MIA3: variants seen among roughly 807,000 people sequenced by gnomAD.
MIA3 encodes MIA SH3 domain ER export factor 3, also known as transport and Golgi organization protein 1 homolog.
In MIA3, 90 loss-of-function variants were observed where a neutral mutation model predicts 192.4. That is an observed-to-expected ratio of 0.47 (90% CI 0.39 to 0.56). The LOEUF (loss-of-function observed/expected upper bound fraction) is 0.56, where lower values mean the gene tolerates loss of function less well. MIA3 is among the 20% of genes least tolerant of loss of function. MIA3 has a pLI of 0.00. For missense variants in MIA3, 2,123 were observed against 2,269.4 expected (o/e 0.94, Z 1.31); for synonymous variants, 740 against 792.8 (o/e 0.93, Z 1.12).
chr1:222,641,428 T>A lies in MIA3; in HGVS notation c.3478-4126T>A, dbSNP rs572379442. On this transcript the variant is annotated intron_variant, in intron 6 of 27. Coordinates refer to ENST00000344922, the MANE Select transcript of MIA3 (RefSeq NM_198551.4). ...CAACAGATTCTTCAGGTCTTAGCAG[T>A]AGCCTGAGCTGCCCCCAGGGCTCTG... 3 of 486,318 alleles carry A rather than the reference T, an allele frequency of 6.2e-6. No individual in the cohort carries two copies. The Admixed American group carries it at 6.7e-5, about 11-fold the overall frequency. 30.1% of individuals were successfully genotyped at this position (486,318 alleles called of 1,614,324 possible).
intron 7 of MIA3, among the ~76,000 whole-genome samples, chr1:222,648,189 T>C (rs1482237631): frequency 6.6e-6 from 1 of 152,234 alleles, no homozygotes. Context: ...TTGTTGCTTA[T>C]GCATTTTCCT....
chr1:222,663,122 G>A (rs1350824942), intron 26 of MIA3: 1 of 152,158 alleles, frequency 6.6e-6, no homozygotes, highest in Non-Finnish European at 1.5e-5. Context: ...CTTTCCCATA[G>A]GAAGTGATTA....
At chr1:222,645,273 T>G (rs558229891) in intron 6 of MIA3, among the ~76,000 whole-genome samples, 2 of 152,326 alleles carry the variant, frequency 1.3e-5, no homozygotes, top group East Asian at 3.9e-4. Flanking sequence ...CAGCCATGTT[T>G]TAGATAACAT....
Position 222,627,901 on chromosome 1 carries a change from T to C in MIA3, c.681T>C (p.Phe227=), listed in dbSNP as rs781372220. 1 of 1,614,076 alleles carries C rather than the reference T, an allele frequency of 6.2e-7. No individual in the cohort carries two copies. Among genetic ancestry groups the C allele is most frequent in the Non-Finnish European group, 8.5e-7 (1 of 1,180,014 alleles). ...ATGCTCAGGGAGAGCAGGCTTCATT[T>C]GAATCTTTTGAAGAAATGCTGCAAG... ...ANHAQGEQAS[F]ESFEEMLQDK... Residue 227 remains phenylalanine, a synonymous_variant, in exon 4 of 28, where the codon TTT becomes TTC. Coordinates refer to ENST00000344922, the MANE Select transcript of MIA3 (RefSeq NM_198551.4).
chr1:222,655,543 T>A (rs898313343), intron 18 of MIA3, among the ~76,000 whole-genome samples: 1 of 152,218 alleles, frequency 6.6e-6, no homozygotes, highest in Non-Finnish European at 1.5e-5. Context: ...TTAACTTTTT[T>A]AAATGCTTAG....
In MIA3 at chr1:222,664,885, AAAGATGGCAGGCC is replaced by A. The variant is rs1273696349; in HGVS notation, c.5414-422_5414-410del. The stretch of plus-strand genomic sequence containing the variant: ...ACAAATCTATCTCTCTTTTTCAGAT[AAAGATGGCAGGCC>A]AGGCACAGTGGCTCACGCCTGTAAT... On this transcript the variant is annotated intron_variant, in intron 27 of 27. Coordinates refer to ENST00000344922, the MANE Select transcript of MIA3 (RefSeq NM_198551.4). 1.9e-5 allele frequency: 9 copies of A among 464,468 alleles called. No homozygotes were observed. In the Admixed American group the frequency reaches 2.2e-4, roughly 11 times the overall value. 28.8% of individuals were successfully genotyped at this position (464,468 alleles called of 1,614,324 possible).
Position 222,629,580 on chromosome 1 carries a change from AT to A in MIA3, c.2361del (p.Asp787GlufsTer48). The A allele has an allele frequency of 6.2e-7, 1 of 1,614,034 alleles. No individual in the cohort carries two copies. The stretch of plus-strand genomic sequence containing the variant: ...AAGCAAGAAACTAGTATGATTTTGG[AT>A]AGCGAAAAAACAAGTGAGACTGCTG... ...ESKQETSMILDSEKTSETAAK... is the reference protein window; with the variant it reads ...ESKQETSMILXSEKTSETAAK... On this transcript the variant is annotated frameshift_variant, in exon 4 of 28. Transcript: ENST00000344922. LOFTEE classifies it high-confidence loss of function.
chr1:222,623,625 A>C (rs927840359), intron 2 of MIA3, among the ~76,000 whole-genome samples: 1 of 152,176 alleles, frequency 6.6e-6, no homozygotes, highest in African/African-American at 2.4e-5. Flanking sequence ...TTTTACTACT[A>C]ATACTGGCTT....
Position 222,659,487 on chromosome 1 carries a change from A to G in MIA3, c.4744A>G (p.Lys1582Glu). The change falls in exon 20 of 28, where the codon AAG becomes GAG. Residue 1582 changes from lysine (K) to glutamate (E), a missense_variant. Around this residue, in one of 3 missense-constraint regions of MIA3, gnomAD observed 762 missense variants for 856.4 expected, o/e 0.89. Coordinates refer to ENST00000344922, the MANE Select transcript of MIA3 (RefSeq NM_198551.4). ...RIEEMEDELQ[K>E]TERSFKNQIA... ...TGAAGAAATGGAGGATGAATTACAG[A>G]AGACAGAGCGGTCATTTAAAAACCA... 2 of 1,614,008 alleles carry G rather than the reference A, an allele frequency of 1.2e-6. No homozygotes were observed. The highest frequency in any genetic ancestry group is 1.7e-6 in the Non-Finnish European group (2 of 1,179,904).
chr1:222,658,665 G>A (rs1256813919), intron 18 of MIA3, 57 bp from the exon 19 acceptor site: 1 of 1,250,554 alleles, frequency 8.0e-7, no homozygotes, highest in African/African-American at 1.5e-5. Flanking sequence ...GGAGTATTCA[G>A]ACAGAATGCC....
intron 7 of MIA3, among the ~76,000 whole-genome samples, chr1:222,647,560 CTT>C (rs1651192420): frequency 6.6e-6 from 1 of 152,078 alleles, no homozygotes; most frequent in Non-Finnish European, 1.5e-5. Flanking sequence ...TGGTGCTTTT[CTT>C]CAGATAAAAA....
intron 6 of MIA3, among the ~76,000 whole-genome samples, chr1:222,640,874 A>G (rs1662822443): frequency 6.6e-6 from 1 of 152,244 alleles, no homozygotes. Flanking sequence ...GAATACATAA[A>G]GAACTCTCAA....
At chr1:222,648,536 A>AGT (rs1299087912) in intron 7 of MIA3, among the ~76,000 whole-genome samples, 1 of 152,242 alleles carries the variant, frequency 6.6e-6, no homozygotes, top group South Asian at 2.1e-4. Context: ...ATTCAAGTTA[A>AGT]GTGCTCATTT....
In MIA3 at chr1:222,659,770, G is replaced by A; in HGVS notation, c.4843G>A (p.Glu1615Lys). ...TGCTGCAGAAAGAGCTATAGCTGAA[G>A]AGAAAAGGGAAGCTGCCAATTTGAG... ...ARAAERAIAE[E>K]KREAANLRHK... The change falls in exon 22 of 28, where the codon GAG becomes AAG. Residue 1615 changes from glutamate (E) to lysine (K), a missense_variant. This residue lies in a region of MIA3 where 762 missense variants were observed against 856.4 expected (regional missense o/e 0.89). Coordinates refer to ENST00000344922, the MANE Select transcript of MIA3 (RefSeq NM_198551.4). 6.2e-7 allele frequency: 1 copy of A among 1,614,118 alleles called. No individual in the cohort carries two copies. The highest frequency in any genetic ancestry group is 1.1e-5 in the South Asian group (1 of 91,074).
intron 6 of MIA3, 91 bp downstream of exon 6, chr1:222,633,340 C>A: frequency 9.5e-7 from 1 of 1,054,844 alleles, no homozygotes; most frequent in Non-Finnish European, 1.4e-6. Context: ...CTTAAAATGT[C>A]TTTATGAACC....
rs551236822 is a variant in MIA3, at chr1:222,620,447, C to A, written c.134-712C>A. Among the ~76,000 whole-genome samples the A allele has an allele frequency of 7.9e-4, 120 of 152,258 alleles. 1 individual carries two copies. Among genetic ancestry groups the A allele is most frequent in the Non-Finnish European group, 1.3e-3 (91 of 68,014 alleles). Reference sequence around the variant, plus strand: ...AAAATATACATAAGGGTATTCTTTCCTTTGTTTTGAAACTTAATTTTGGAT... The same window carrying A: ...AAAATATACATAAGGGTATTCTTTCATTTGTTTTGAAACTTAATTTTGGAT... On this transcript the variant is annotated intron_variant, in intron 1 of 27. Transcript: ENST00000344922.
rs961560332 is a variant in MIA3, at chr1:222,660,452, T to A, written c.5113+138T>A. The A allele has an allele frequency of 1.0e-5, 7 of 675,870 alleles. No individual in the cohort carries two copies. In the Admixed American group the frequency reaches 1.5e-4, roughly 14 times the overall value. 41.9% of individuals were successfully genotyped at this position (675,870 alleles called of 1,614,324 possible). On this transcript the variant is annotated intron_variant, in intron 24 of 27. Transcript: ENST00000344922. ...AATTTCTTAATTTGTCTTGGTGGAT[T>A]CAACTGCAAGTATTCAACTGCAAGA...
Position 222,624,816 on chromosome 1 carries a change from C to A in MIA3, c.316C>A (p.His106Asn). The change falls in exon 3 of 28, where the codon CAT (histidine) becomes AAT (asparagine). Residue 106 changes from histidine (H) to asparagine (N), a missense_variant. Physicochemically the swap from His to Asn is moderately conservative, Grantham distance 68. This residue lies in a region of MIA3 where 1,357 missense variants were observed against 1,396.1 expected (regional missense o/e 0.97). Coordinates refer to ENST00000344922, the MANE Select transcript of MIA3 (RefSeq NM_198551.4). Reference sequence around the variant, plus strand: ...TCCAAAAGATTTAATCCAGGTAGTTCATGAATATACCAAAGAAGAGCTACA... The same window carrying A: ...TCCAAAAGATTTAATCCAGGTAGTTAATGAATATACCAAAGAAGAGCTACA... ...YFPKDLIQVV[H>N]EYTKEELQVP... The A allele has an allele frequency of 6.2e-7, 1 of 1,602,222 alleles. No homozygotes were observed. Among genetic ancestry groups the A allele is most frequent in the South Asian group, 1.1e-5 (1 of 90,554 alleles).
chr1:222,654,510 A>G (rs777706248), intron 17 of MIA3, 31 bp downstream of exon 17: 15 of 1,577,316 alleles, frequency 9.5e-6, no homozygotes, highest in Non-Finnish European at 1.0e-5. Flanking sequence ...AAATTGCTAT[A>G]TATTGGAAAG....
Sources: allele counts gnomAD v4.1 joint callset (sites outside exome capture counted in the v4.1 genomes callset), GRCh38; gene constraint gnomAD v4.1.1; regional missense constraint gnomAD v4.1.1; transcripts MANE v1.5; gene names NCBI Gene and HGNC (gene_info 2026-07-23, HGNC 2026-07-21).